The following KCNMA1 variants were observed in gnomAD, a reference collection of about 807,000 sequenced individuals.
KCNMA1 encodes Calcium-activated potassium channel subunit alpha-1.
KCNMA1 carries 29 observed loss-of-function variants against 140.0 expected under a neutral mutation model. That is an observed-to-expected ratio of 0.21 (90% confidence interval 0.15 to 0.28). KCNMA1 has a LOEUF of 0.28. Ranked by LOEUF, KCNMA1 falls within the 10% of genes least tolerant of loss-of-function variation. KCNMA1 has a pLI of 1.00. For synonymous variants in KCNMA1, 612 were observed against 611.9 expected (o/e 1.00, Z 0.00); for missense variants, 880 against 1,602.2 (o/e 0.55, Z 7.70).
intron 18 of KCNMA1, among the ~76,000 whole-genome samples, chr10:77,010,547 G>A (rs1292261298): frequency 1.3e-5 from 2 of 152,072 alleles, no homozygotes; most frequent in Non-Finnish European, 2.9e-5. Context: ...GGGACCAGCT[G>A]TATTAAGTCA....
At chr10:77,382,885 A>AATAT (rs1217045657) in intron 2 of KCNMA1, among the ~76,000 whole-genome samples, 6 of 91,310 alleles carry the variant, frequency 6.6e-5, no homozygotes, top group African/African-American at 1.9e-4. Flanking sequence ...AAAAAAAAAA[A>AATAT]ATATATATAT....
chr10:77,627,878 GC>G (rs2092722607), intron 1 of KCNMA1, among the ~76,000 whole-genome samples: 1 of 152,234 alleles, frequency 6.6e-6, no homozygotes, highest in African/African-American at 2.4e-5. Context: ...AGGGCCTGAG[GC>G]CCCAAAGCTT....
intron 1 of KCNMA1, among the ~76,000 whole-genome samples, chr10:77,424,153 G>A (rs1421342454): frequency 6.6e-6 from 1 of 152,216 alleles, no homozygotes; most frequent in African/African-American, 2.4e-5. Flanking sequence ...CAGCAGGTTA[G>A]TTAATCCTTT....
intron 2 of KCNMA1, among the ~76,000 whole-genome samples, chr10:77,394,988 C>T (rs575986541): frequency 1.4e-4 from 22 of 152,246 alleles, no homozygotes; most frequent in Middle Eastern, 3.4e-3. Context: ...TGTTTATGGA[C>T]GCTGAAATTT....
chr10:77,632,310 C>T (rs745897177), intron 1 of KCNMA1, among the ~76,000 whole-genome samples: 44 of 152,134 alleles, frequency 2.9e-4, no homozygotes, highest in Non-Finnish European at 4.3e-4. Context: ...CAGTGAGTGT[C>T]CTGGCCAAGA....
chr10:77,360,649 T>A (rs1603403353), intron 2 of KCNMA1, among the ~76,000 whole-genome samples: 1 of 152,216 alleles, frequency 6.6e-6, no homozygotes. Flanking sequence ...CAGTTTTGCT[T>A]ACTTCTTCTC....
chr10:77,456,610 G>T (rs2097766592), intron 1 of KCNMA1, among the ~76,000 whole-genome samples: 1 of 152,212 alleles, frequency 6.6e-6, no homozygotes, highest in Non-Finnish European at 1.5e-5. Context: ...AAGGAGGGAG[G>T]CTGCATGGAG....
intron 4 of KCNMA1, among the ~76,000 whole-genome samples, chr10:77,183,826 T>C (rs1020221452): frequency 1.3e-5 from 2 of 152,002 alleles, no homozygotes; most frequent in African/African-American, 4.8e-5. Flanking sequence ...GGAGACATTA[T>C]GTCCTTCTCA....
At chr10:77,038,929 C>T (rs553489261) in intron 15 of KCNMA1, among the ~76,000 whole-genome samples, 1 of 152,266 alleles carries the variant, frequency 6.6e-6, no homozygotes, top group Admixed American at 6.5e-5. Context: ...CTGCAGTGGC[C>T]ATGGCGGGTG....
At chr10:77,451,126 T>G (rs990901691) in intron 1 of KCNMA1, among the ~76,000 whole-genome samples, 2 of 152,082 alleles carry the variant, frequency 1.3e-5, no homozygotes, top group Admixed American at 6.6e-5. Flanking sequence ...ACTAGCAGCA[T>G]GAGAACAGAA....
chr10:77,393,638 G>T (rs565583977), intron 2 of KCNMA1, among the ~76,000 whole-genome samples: 1 of 152,330 alleles, frequency 6.6e-6, no homozygotes, highest in Admixed American at 6.5e-5. Flanking sequence ...ACCACACACA[G>T]CAGCTCCTTC....
chr10:77,291,826 T>A (rs1031184996), intron 2 of KCNMA1, among the ~76,000 whole-genome samples: 20 of 152,156 alleles, frequency 1.3e-4, no homozygotes, highest in African/African-American at 4.6e-4. Context: ...TTCAAGGTGT[T>A]CTTAATTCTG....
chr10:77,217,389 C>T, intron 3 of KCNMA1: 2 of 365,580 alleles, frequency 5.5e-6, no homozygotes, highest in South Asian at 2.1e-5. Flanking sequence ...GATGTAGATG[C>T]CCATCAATCC....
At chr10:77,025,130 T>C (rs545063219) in intron 16 of KCNMA1, among the ~76,000 whole-genome samples, 3 of 151,152 alleles carry the variant, frequency 2.0e-5, no homozygotes, top group South Asian at 2.1e-4. Flanking sequence ...CTTTCCTTTC[T>C]TAGGTTTCCT....
chr10:77,345,649 C>G (rs190769411), intron 2 of KCNMA1, among the ~76,000 whole-genome samples: 189 of 152,282 alleles, frequency 1.2e-3, no homozygotes, highest in African/African-American at 2.0e-3. Flanking sequence ...GGAGAGGAAC[C>G]AAGTTGGGTT....
intron 1 of KCNMA1, among the ~76,000 whole-genome samples, chr10:77,444,972 G>T (rs929443265): frequency 1.3e-5 from 2 of 152,038 alleles, no homozygotes; most frequent in South Asian, 2.1e-4. Context: ...AACTAAACAG[G>T]CCCCCAGCAG....
chr10:77,109,075 T>A (rs144763255), intron 8 of KCNMA1, among the ~76,000 whole-genome samples: 296 of 146,590 alleles, frequency 2.0e-3, no homozygotes, highest in African/African-American at 6.8e-3. Flanking sequence ...AAAAAAACAC[T>A]GAAAAGCTCA....
intron 5 of KCNMA1, among the ~76,000 whole-genome samples, chr10:77,134,775 G>A (rs994641823): frequency 1.3e-5 from 2 of 151,862 alleles, no homozygotes; most frequent in Non-Finnish European, 2.9e-5. Flanking sequence ...AAGGCAGGTG[G>A]ATCACAAGAT....
intron 1 of KCNMA1, among the ~76,000 whole-genome samples, chr10:77,485,078 G>C (rs1356096283): frequency 6.6e-6 from 1 of 152,096 alleles, no homozygotes; most frequent in Non-Finnish European, 1.5e-5. Context: ...AACCTCCTCT[G>C]CTGAAAGTGA....
Sources: allele counts gnomAD v4.1 joint callset (sites outside exome capture counted in the v4.1 genomes callset), GRCh38; gene constraint gnomAD v4.1.1; transcripts MANE v1.5; gene names NCBI Gene and HGNC (gene_info 2026-07-23, HGNC 2026-07-21).